NEGR1: variants seen among roughly 807,000 people sequenced by gnomAD.
The protein encoded by NEGR1 is IgLON family member 4.
Under a neutral mutation model 40.9 loss-of-function variants are expected in NEGR1, and 10 were observed. That is an observed-to-expected ratio of 0.24 (90% CI 0.15 to 0.42). The LOEUF (loss-of-function observed/expected upper bound fraction) is 0.42, where lower values mean the gene tolerates loss of function less well. Ranked by LOEUF, NEGR1 falls within the 10% of genes least tolerant of loss-of-function variation. NEGR1 has a pLI of 1.00. For synonymous variants in NEGR1, 185 were observed against 166.8 expected, an observed-to-expected ratio of 1.11 and a Z score of -0.84; for missense variants, 352 against 438.9, an observed-to-expected ratio of 0.80 and a Z score of 1.77.
At chr1:72,163,025 G>A (rs1419886469) in intron 1 of NEGR1, among the ~76,000 whole-genome samples, 1 of 151,982 alleles carries the variant, frequency 6.6e-6, no homozygotes. Flanking sequence ...ATAGATTTAG[G>A]TTATCTTTCC....
chr1:71,726,570 G>T (rs566807634), intron 3 of NEGR1, among the ~76,000 whole-genome samples: 2 of 152,164 alleles, frequency 1.3e-5, no homozygotes, highest in African/African-American at 2.4e-5. Context: ...TATCAAGAAG[G>T]TTCTCTCTAC....
chr1:71,567,876 C>A (rs1241301665), intron 6 of NEGR1, among the ~76,000 whole-genome samples: 1 of 151,816 alleles, frequency 6.6e-6, no homozygotes. Context: ...ATTTTCGCAG[C>A]CTTTTTCTCA....
chr1:72,001,170 T>C (rs368525625), intron 1 of NEGR1, among the ~76,000 whole-genome samples: 2 of 152,204 alleles, frequency 1.3e-5, no homozygotes, highest in African/African-American at 4.8e-5. Flanking sequence ...CGGCTTCTTA[T>C]AAAAGCTTCT....
At chr1:71,760,963 A>T (rs953532126) in intron 3 of NEGR1, among the ~76,000 whole-genome samples, 3 of 152,200 alleles carry the variant, frequency 2.0e-5, no homozygotes, top group Non-Finnish European at 4.4e-5. Flanking sequence ...TTCGTAATTA[A>T]TTTAAACAAT....
chr1:72,202,259 T>C (rs1385721068), intron 1 of NEGR1, among the ~76,000 whole-genome samples: 1 of 151,906 alleles, frequency 6.6e-6, no homozygotes, highest in Non-Finnish European at 1.5e-5. Flanking sequence ...CATTCCTCCA[T>C]ACCTATCTTT....
At chr1:71,443,549 G>A (rs1048486542) in intron 6 of NEGR1, among the ~76,000 whole-genome samples, 3 of 152,106 alleles carry the variant, frequency 2.0e-5, no homozygotes, top group African/African-American at 7.2e-5. Flanking sequence ...GCCATCAAAT[G>A]ATTATTTCTT....
At chr1:71,879,238 A>G (rs182313974) in intron 2 of NEGR1, among the ~76,000 whole-genome samples, 480 of 152,260 alleles carry the variant, frequency 3.2e-3, no homozygotes, top group Non-Finnish European at 5.4e-3. Flanking sequence ...AGGGAGAGAT[A>G]TTTCTTTTTG....
Position 72,155,393 on chromosome 1 carries a change from G to A in NEGR1, c.176+126926C>T, listed in dbSNP as rs72682727. On this transcript the variant is annotated intron_variant, in intron 1 of 6. Transcript: ENST00000357731. ...CCAAATCATATAACCTAGTGGCTTT[G>A]TCAATTATCCTAAGAACAATCAGAT... Among the ~76,000 whole-genome samples the A allele has an allele frequency of 8.4e-3, 1,279 of 152,046 alleles. 14 individuals carry two copies. Among genetic ancestry groups the A allele is most frequent in the Non-Finnish European group, 0.014 (961 of 67,912 alleles).
intron 4 of NEGR1, among the ~76,000 whole-genome samples, chr1:71,629,938 T>A: frequency 6.6e-6 from 1 of 151,988 alleles, no homozygotes; most frequent in Non-Finnish European, 1.5e-5. Flanking sequence ...CATCAATGCC[T>A]TTTTCTCATA....
chr1:71,988,923 T>TA (rs10604833), intron 1 of NEGR1, among the ~76,000 whole-genome samples: 12,288 of 81,862 alleles, frequency 0.15, 1,174 homozygotes, highest in Admixed American at 0.22. Flanking sequence ...TATTGGATGT[T>TA]AAAAAAAAAA....
At chr1:72,246,204 C>A (rs1654898284) in intron 1 of NEGR1, among the ~76,000 whole-genome samples, 1 of 152,174 alleles carries the variant, frequency 6.6e-6, no homozygotes, top group African/African-American at 2.4e-5. Context: ...CCATCACTTT[C>A]CTGACTAGAT....
intron 1 of NEGR1, among the ~76,000 whole-genome samples, chr1:72,235,760 A>G (rs1396998218): frequency 1.3e-5 from 2 of 152,076 alleles, no homozygotes; most frequent in Non-Finnish European, 2.9e-5. Context: ...AGGAAGTAAC[A>G]TGATTTAAAT....
intron 4 of NEGR1, among the ~76,000 whole-genome samples, chr1:71,675,183 G>A (rs992050527): frequency 3.9e-5 from 5 of 127,380 alleles, no homozygotes; most frequent in East Asian, 2.4e-4. Flanking sequence ...TAGCATGCCC[G>A]GTTAATAATT....
At chr1:71,450,853 A>C (rs183602447) in intron 6 of NEGR1, among the ~76,000 whole-genome samples, 2 of 152,148 alleles carry the variant, frequency 1.3e-5, no homozygotes, top group East Asian at 3.9e-4. Context: ...AATAAGGGTA[A>C]CTTTTTCTTT....
intron 2 of NEGR1, among the ~76,000 whole-genome samples, chr1:71,786,119 A>G (rs1167800727): frequency 6.6e-6 from 1 of 152,186 alleles, no homozygotes; most frequent in Non-Finnish European, 1.5e-5. Context: ...ACAAATACAT[A>G]AACATTAAGG....
intron 1 of NEGR1, among the ~76,000 whole-genome samples, chr1:72,225,219 TA>T (rs879556716): frequency 5.3e-5 from 8 of 151,878 alleles, no homozygotes; most frequent in Non-Finnish European, 1.2e-4. Context: ...TCCTAGTGAG[TA>T]AAAAAATGAC....
At chr1:71,942,889 A>G (rs1337598943) in intron 1 of NEGR1, among the ~76,000 whole-genome samples, 1 of 146,780 alleles carries the variant, frequency 6.8e-6, no homozygotes, top group Non-Finnish European at 1.5e-5. Context: ...GCAGCCTCGA[A>G]CTCCTGGACT....
At chr1:72,090,823 C>T (rs983366127) in intron 1 of NEGR1, among the ~76,000 whole-genome samples, 3 of 152,116 alleles carry the variant, frequency 2.0e-5, no homozygotes, top group African/African-American at 7.2e-5. Context: ...AGTCATGTGC[C>T]CTCTAGACCT....
intron 1 of NEGR1, among the ~76,000 whole-genome samples, chr1:72,224,429 G>C (rs1225558003): frequency 6.6e-6 from 1 of 151,840 alleles, no homozygotes; most frequent in Non-Finnish European, 1.5e-5. Context: ...GAAGGGCCTT[G>C]CATATTTGTG....
Sources: gnomAD v4.1 joint callset for allele counts (sites outside exome capture counted in the v4.1 genomes callset) on GRCh38, gnomAD v4.1.1 for gene constraint, MANE v1.5 for transcripts, NCBI Gene and HGNC (gene_info 2026-07-23, HGNC 2026-07-21) for gene names.